Variants in IRS1 observed in about 807,000 individuals in gnomAD.
IRS1 encodes the protein insulin receptor substrate 1.
In IRS1, 34 loss-of-function variants were observed where a neutral mutation model predicts 65.6. That is an observed-to-expected ratio of 0.52 (90% CI 0.39 to 0.69). The LOEUF (loss-of-function observed/expected upper bound fraction) is 0.69, where lower values mean the gene tolerates loss of function less well. Ranked by LOEUF, IRS1 falls within the 30% of genes least tolerant of loss-of-function variation. The pLI is 0.00. For synonymous variants in IRS1, 699 were observed against 683.5 expected (o/e 1.02, Z -0.35); for missense variants, 1,641 against 1,720.2 (o/e 0.95, Z 0.81).
chr2:226,773,068 A>C (rs960994710), intron 1 of IRS1, among the ~76,000 whole-genome samples: 3 of 152,212 alleles, frequency 2.0e-5, no homozygotes, highest in Non-Finnish European at 4.4e-5. Context: ...ACAGCCACAG[A>C]ACTTCTAAAG....
chr2:226,777,742 C>A (rs77141447), intron 1 of IRS1, among the ~76,000 whole-genome samples: 11,419 of 152,124 alleles, frequency 0.075, 703 homozygotes, highest in African/African-American at 0.17. Context: ...TGCTTCCATC[C>A]ACATAAGATG....
In IRS1 at chr2:226,795,069, C is replaced by T; in HGVS notation, c.3670G>A (p.Glu1224Lys). Residue 1224 changes from glutamate to lysine, a missense_variant, in exon 1 of 2, where the codon GAG (glutamate) becomes AAG (lysine). Around this residue, in one of 3 missense-constraint regions of IRS1, gnomAD observed 1,324 missense variants for 1,361.0 expected, o/e 0.97. Coordinates refer to ENST00000305123, the MANE Select transcript of IRS1 (RefSeq NM_005544.3). ...GESSSTRRSS[E>K]DLSAYASISF... ...ATGCTGGCATAGGCGCTTAAATCCT[C>T]ACTTGAGCGGCGGGTGGAGCTGCTC... 2 of 1,607,438 alleles carry T rather than the reference C, an allele frequency of 1.2e-6. No homozygotes were observed. Among genetic ancestry groups the T allele is most frequent in the Non-Finnish European group, 8.5e-7 (1 of 1,178,566 alleles).
intron 1 of IRS1, among the ~76,000 whole-genome samples, chr2:226,773,285 G>GTA (rs1388696386): frequency 1.3e-5 from 2 of 152,198 alleles, no homozygotes; most frequent in African/African-American, 4.8e-5. Context: ...TGAATAGGAT[G>GTA]TATATATAGA....
In IRS1 at chr2:226,735,924, G is replaced by A. The variant is rs572194788; in HGVS notation, c.*348C>T. Reference sequence around the variant, plus strand: ...ATGAAATGTATCTTGAAAATGCATTGAGAGTAAACCCATTCTCTCATGACA... The same window carrying A: ...ATGAAATGTATCTTGAAAATGCATTAAGAGTAAACCCATTCTCTCATGACA... On this transcript the variant is annotated 3_prime_UTR_variant, in exon 2 of 2. Transcript: ENST00000305123. The A allele has an allele frequency of 6.5e-6, 1 of 152,710 alleles. No individual in the cohort carries two copies. The highest frequency in any genetic ancestry group is 2.1e-4 in the South Asian group (1 of 4,828). 9.5% of individuals were successfully genotyped at this position (152,710 alleles called of 1,614,324 possible). A position where few individuals can be genotyped will look rare whatever the true frequency, so the allele number is the denominator to read the frequency against.
intron 1 of IRS1, among the ~76,000 whole-genome samples, chr2:226,791,914 C>T (rs1040578779): frequency 7.9e-5 from 12 of 152,176 alleles, no homozygotes; most frequent in Middle Eastern, 3.4e-3. Context: ...TCCCCCACCC[C>T]GGGCGAAAGG....
chr2:226,779,061 A>C (rs1939330919), intron 1 of IRS1, among the ~76,000 whole-genome samples: 1 of 152,222 alleles, frequency 6.6e-6, no homozygotes, highest in Non-Finnish European at 1.5e-5. Context: ...GGTACTCAGT[A>C]GAAATTCACT....
intron 1 of IRS1, among the ~76,000 whole-genome samples, chr2:226,753,617 C>A (rs16822609): frequency 0.089 from 13,510 of 152,096 alleles, 1,134 homozygotes; most frequent in African/African-American, 0.22. Context: ...CAATTAAAAA[C>A]TGTGTATACC....
rs541520491 is a variant in IRS1 at position 226,772,508 on chromosome 2, G to T, written c.*21+22481C>A. ...CTAGTCTTGCACTAAAACAAATACA[G>T]AATCAATACTATCCACACACAATAG... is the stretch of plus-strand genomic sequence containing the variant. On this transcript the variant is annotated intron_variant, in intron 1 of 1. Transcript: ENST00000305123. Among the ~76,000 whole-genome samples, 5 of 152,052 alleles carry T rather than the reference G, an allele frequency of 3.3e-5. No individual in the cohort carries two copies. In the South Asian group the frequency reaches 1.0e-3, roughly 32 times the overall value.
rs1939753894 is a variant in IRS1 at position 226,797,269 on chromosome 2, A to G, written c.1470T>C (p.Asn490=). The change falls in exon 1 of 2, where the codon AAT becomes AAC. Residue 490 remains asparagine (N), a synonymous_variant. Coordinates refer to ENST00000305123, the MANE Select transcript of IRS1 (RefSeq NM_005544.3). This position sits in a 1 kb window ranked among gnomAD's most constrained non-coding sequence, Gnocchi z 8.1. ...NGHYILSRGG[N]GHRCTPGTGL... is the part of the protein sequence containing the mutation. ...CTGTTCCTGGGGTGCAGCGGTGGCC[A>G]TTGCCACCCCGAGACAAAATGTAGT... 1 of 1,613,522 alleles carries G rather than the reference A, an allele frequency of 6.2e-7. No individual in the cohort carries two copies. Among genetic ancestry groups the G allele is most frequent in the Non-Finnish European group, 8.5e-7 (1 of 1,179,950 alleles).
chr2:226,788,461 T>A (rs1291502843), intron 1 of IRS1, among the ~76,000 whole-genome samples: 4 of 152,166 alleles, frequency 2.6e-5, no homozygotes, highest in Non-Finnish European at 4.4e-5. Flanking sequence ...GCTCACTGAA[T>A]AAGCACAAAT....
intron 1 of IRS1, among the ~76,000 whole-genome samples, chr2:226,738,305 C>T (rs191729758): frequency 1.3e-5 from 2 of 152,300 alleles, no homozygotes; most frequent in East Asian, 3.9e-4. Context: ...GGACCAACCT[C>T]ATATCTTTTT....
chr2:226,754,561 A>T (rs1401380242), intron 1 of IRS1, among the ~76,000 whole-genome samples: 1 of 152,240 alleles, frequency 6.6e-6, no homozygotes, highest in African/African-American at 2.4e-5. Flanking sequence ...TCAAACTAGT[A>T]AAGGGACAAT....
chr2:226,739,309 G>A (rs559130949), intron 1 of IRS1, among the ~76,000 whole-genome samples: 1 of 152,130 alleles, frequency 6.6e-6, no homozygotes, highest in Admixed American at 6.5e-5. Context: ...ATAAAGTTTA[G>A]CTACCAAATA....
chr2:226,778,523 T>C (rs1035467298), intron 1 of IRS1, among the ~76,000 whole-genome samples: 5 of 152,084 alleles, frequency 3.3e-5, no homozygotes, highest in African/African-American at 7.2e-5. Context: ...AAACATTAAA[T>C]AGTTTTCTAA....
chr2:226,743,228 G>A (rs1225620014), intron 1 of IRS1, among the ~76,000 whole-genome samples: 1 of 151,634 alleles, frequency 6.6e-6, no homozygotes, highest in Admixed American at 6.6e-5. Context: ...CAGGCAGGAA[G>A]ATTTAATTTT....
At chr2:226,785,122 A>C (rs1939462989) in intron 1 of IRS1, among the ~76,000 whole-genome samples, 1 of 152,228 alleles carries the variant, frequency 6.6e-6, no homozygotes, top group African/African-American at 2.4e-5. Flanking sequence ...GCACTGAAAA[A>C]TATGAGACAT....
Position 226,798,268 on chromosome 2 carries a change from T to C in IRS1, c.471A>G (p.Gly157=). Reference sequence around the variant, plus strand: ...CTTGCCAGACCTCTTTGAATGCGGGTCCTGGGGGCACGTCACCGTAGCTCA... The same window carrying C: ...CTTGCCAGACCTCTTTGAATGCGGGCCCTGGGGGCACGTCACCGTAGCTCA... The part of the protein sequence containing the change: ...EDLSYGDVPP[G]PAFKEVWQVI... Residue 157 remains glycine, a synonymous_variant, in exon 1 of 2, where the codon GGA becomes GGG. Transcript: ENST00000305123. The surrounding 1 kb of genome is among the most constrained non-coding windows in gnomAD (Gnocchi z 9.4). 1 of 1,613,176 alleles carries C rather than the reference T, an allele frequency of 6.2e-7. No homozygotes were observed. Among genetic ancestry groups the C allele is most frequent in the Non-Finnish European group, 8.5e-7 (1 of 1,179,894 alleles).
At chr2:226,774,395 A>G (rs1208416010) in intron 1 of IRS1, among the ~76,000 whole-genome samples, 1 of 152,188 alleles carries the variant, frequency 6.6e-6, no homozygotes, top group African/African-American at 2.4e-5. Flanking sequence ...AAACACTAAC[A>G]TGGGGCAAAT....
At chr2:226,783,325 T>G (rs778868860) in intron 1 of IRS1, among the ~76,000 whole-genome samples, 5 of 152,248 alleles carry the variant, frequency 3.3e-5, no homozygotes, top group Non-Finnish European at 7.3e-5. Context: ...ATTATGTATT[T>G]TCTGAAATCA....
Sources: gnomAD v4.1 joint callset for allele counts (sites outside exome capture counted in the v4.1 genomes callset) on GRCh38, gnomAD v4.1.1 for gene constraint, gnomAD v4.1.1 regional missense constraint, Gnocchi (gnomAD v3.1) non-coding constraint, MANE v1.5 for transcripts, NCBI Gene and HGNC (gene_info 2026-07-23, HGNC 2026-07-21) for gene names.